Variants in SP140 observed in about 807,000 individuals in gnomAD.
SP140 encodes nuclear body protein SP140.
A neutral mutation model predicts 125.0 loss-of-function variants in SP140; 81 were observed. The observed-to-expected ratio is 0.65, with a 90% CI of 0.54 to 0.78. The LOEUF is 0.78. Ranked by LOEUF, SP140 falls within the 30% of genes least tolerant of loss-of-function variation. The pLI is 0.00. For missense variants in SP140, 858 were observed against 1,037.0 expected, an observed-to-expected ratio of 0.83 and a Z score of 2.37; for synonymous variants, 312 against 354.0, an observed-to-expected ratio of 0.88 and a Z score of 1.33.
chr2:230,229,076 C>T (rs2046868338), intron 1 of SP140, among the ~76,000 whole-genome samples: 1 of 151,790 alleles, frequency 6.6e-6, no homozygotes, highest in Non-Finnish European at 1.5e-5. Context: ...TTAGTGGTTC[C>T]CTGAAGTTTG....
At chr2:230,190,672 G>A in the SP140 span, among the ~76,000 whole-genome samples, 2 of 61,922 alleles carry the variant, frequency 3.2e-5, no homozygotes, top group African/African-American at 1.0e-4. Context: ...TTTTCTTCTA[G>A]GGTTTTTATG....
At chr2:230,227,355 C>T (rs1182773285) in intron 1 of SP140, among the ~76,000 whole-genome samples, 1 of 152,128 alleles carries the variant, frequency 6.6e-6, no homozygotes, top group Non-Finnish European at 1.5e-5. Context: ...GGAAGATGAG[C>T]CAGCGGAGCT....
chr2:230,306,104 G>A (rs768277734), intron 22 of SP140, among the ~76,000 whole-genome samples: 23 of 152,224 alleles, frequency 1.5e-4, no homozygotes, highest in Admixed American at 4.6e-4. Context: ...CAGCAGGAAC[G>A]GCCAGAGGAG....
intron 1 of SP140, among the ~76,000 whole-genome samples, chr2:230,234,512 C>T (rs1278501957): frequency 1.3e-5 from 2 of 152,194 alleles, no homozygotes; most frequent in African/African-American, 4.8e-5. Flanking sequence ...ATAAGGTATA[C>T]ATTTTTCCAT....
At chr2:230,271,131 A>G (rs1023638196) in intron 15 of SP140, among the ~76,000 whole-genome samples, 1 of 152,234 alleles carries the variant, frequency 6.6e-6, no homozygotes, top group African/African-American at 2.4e-5. Flanking sequence ...CACACTTCTC[A>G]CTGACATAAC....
At chr2:230,202,565 A>C, upstream of SP140, 1 of 1,613,386 alleles carries the variant, frequency 6.2e-7, no homozygotes, top group Non-Finnish European at 8.5e-7. Flanking sequence ...GGCAGATTCC[A>C]TCATCAGCCT....
chr2:230,314,038 G>A (rs557000657), downstream of SP140, among the ~76,000 whole-genome samples: 4 of 152,296 alleles, frequency 2.6e-5, no homozygotes, highest in East Asian at 1.9e-4. Context: ...AGCAAGGAAT[G>A]CCTATTACAG....
intron 15 of SP140, 63 bp from the exon 16 acceptor site, chr2:230,284,283 A>G (rs2056056689): frequency 2.0e-6 from 3 of 1,470,582 alleles, no homozygotes; most frequent in Non-Finnish European, 2.8e-6. Flanking sequence ...CTATTGGCAT[A>G]TAAAACTCAG....
intron 6 of SP140, 143 bp downstream of exon 6, chr2:230,245,223 G>A (rs1001218445): frequency 1.7e-6 from 1 of 591,150 alleles, no homozygotes; most frequent in Non-Finnish European, 3.0e-6. Flanking sequence ...TGTGTGGGAG[G>A]CAAGAGGTAA....
upstream of SP140, chr2:230,201,001 G>C (rs377705679): frequency 8.6e-6 from 13 of 1,507,258 alleles, no homozygotes; most frequent in African/African-American, 1.5e-4. Context: ...TGCCCCTTGG[G>C]AAACACCATG....
At chr2:230,290,398 C>T in intron 18 of SP140, 62 bp from the exon 19 acceptor site, 1 of 1,439,858 alleles carries the variant, frequency 6.9e-7, no homozygotes, top group Non-Finnish European at 9.7e-7. Flanking sequence ...GGAATTACCT[C>T]AGTAGGGAGG....
the SP140 span, among the ~76,000 whole-genome samples, chr2:230,193,828 T>C: frequency 1.3e-5 from 2 of 152,214 alleles, no homozygotes; most frequent in Non-Finnish European, 2.9e-5. Flanking sequence ...CACTGCTCAG[T>C]TGGGGCCATT....
rs181551451 is a variant in SP140 at position 230,255,057 on chromosome 2, A to G, written c.1160-395A>G. Reference sequence around the variant, plus strand: ...AATAAACAAGATGGGGAAAGCTAGTAAAGAGCAGAGTCAGGGGTGCAAGAG... The same window carrying G: ...AATAAACAAGATGGGGAAAGCTAGTGAAGAGCAGAGTCAGGGGTGCAAGAG... On this transcript the variant is annotated intron_variant, in intron 11 of 26. Transcript: ENST00000392045. Among the ~76,000 whole-genome samples the G allele has an allele frequency of 6.6e-5, 10 of 152,316 alleles. No homozygotes were observed. In the East Asian group the frequency reaches 1.9e-3, roughly 29 times the overall value.
chr2:230,187,879 G>A, the SP140 span, among the ~76,000 whole-genome samples: 1 of 152,150 alleles, frequency 6.6e-6, no homozygotes, highest in Non-Finnish European at 1.5e-5. Flanking sequence ...GTATCATGCT[G>A]TTTTGGTAAC....
At chr2:230,264,084 C>A (rs559956073) in intron 12 of SP140, among the ~76,000 whole-genome samples, 18 of 152,170 alleles carry the variant, frequency 1.2e-4, no homozygotes, top group Admixed American at 3.3e-4. Context: ...TTTTAGAATT[C>A]TCTTCTTCCT....
Position 230,255,512 on chromosome 2 carries a change from C to A in SP140, c.1220C>A (p.Ser407Tyr). ...GAAGAGCGCCAGGAAGCCTCTAGCT[C>A]CCTAGCAAGACGTGGGTCAGGTAAG... ...DGEERQEASS[S>Y]LARRGSVSSE... Residue 407 changes from serine (S) to tyrosine (Y), a missense_variant, in exon 12 of 27, where the codon TCC becomes TAC. Transcript: ENST00000392045. 6.2e-7 allele frequency: 1 copy of A among 1,608,808 alleles called. No individual in the cohort carries two copies. Among genetic ancestry groups the A allele is most frequent in the Non-Finnish European group, 8.5e-7 (1 of 1,179,064 alleles).
chr2:230,250,949 A>G (rs2050265229), intron 9 of SP140, 32 bp from the exon 10 acceptor site: 1 of 1,610,764 alleles, frequency 6.2e-7, no homozygotes, highest in South Asian at 1.1e-5. Context: ...TTCTCTTCAT[A>G]ATTTCTTGAG....
intron 12 of SP140, among the ~76,000 whole-genome samples, chr2:230,257,801 A>T (rs181570337): frequency 2.0e-4 from 31 of 152,314 alleles, no homozygotes; most frequent in Admixed American, 1.6e-3. Flanking sequence ...GCCACCACTT[A>T]ATATCAAACG....
intron 21 of SP140, among the ~76,000 whole-genome samples, chr2:230,296,887 T>G (rs983851087): frequency 6.6e-6 from 1 of 152,226 alleles, no homozygotes; most frequent in Non-Finnish European, 1.5e-5. Context: ...GGGACTTGCA[T>G]TGGGATTAAC....
Sources: allele counts gnomAD v4.1 joint callset (sites outside exome capture counted in the v4.1 genomes callset), GRCh38; gene constraint gnomAD v4.1.1; transcripts MANE v1.5; gene names NCBI Gene and HGNC (gene_info 2026-07-23, HGNC 2026-07-21).